PDE1A: variants seen among roughly 807,000 people sequenced by gnomAD.
The protein encoded by PDE1A is dual specificity calcium/calmodulin-dependent 3',5'-cyclic nucleotide phosphodiesterase 1A.
A neutral mutation model predicts 61.7 loss-of-function variants in PDE1A; 35 were observed. That is an observed-to-expected ratio of 0.57 (90% CI 0.43 to 0.75). The LOEUF is 0.75. Among genes scored for constraint, PDE1A ranks in the 30% least tolerant of loss-of-function variants. The pLI is 0.00. For missense variants in PDE1A, 597 were observed against 630.6 expected (o/e 0.95, Z 0.57); for synonymous variants, 232 against 213.2 (o/e 1.09, Z -0.77).
At chr2:182,377,974 GTA>G (rs1700510314) in intron 1 of PDE1A, among the ~76,000 whole-genome samples, 1 of 151,908 alleles carries the variant, frequency 6.6e-6, no homozygotes, top group Non-Finnish European at 1.5e-5. Context: ...AGCCTCCTGA[GTA>G]GCTGGGACTA....
Position 182,440,209 on chromosome 2 carries a change from G to T in PDE1A, c.101+82067C>A, listed in dbSNP as rs184862247. Among the ~76,000 whole-genome samples the T allele has an allele frequency of 1.1e-3, 172 of 152,044 alleles. 1 individual carries two copies. The highest frequency in any genetic ancestry group is 8.1e-4 in the Non-Finnish European group (55 of 67,940). ...TCTCAAACTGAAGCAATCATCTAGG[G>T]TCACTAGTCTACATATTTTCTTCCC... On this transcript the variant is annotated intron_variant, in intron 2 of 14. Transcript: ENST00000410103.
chr2:182,365,427 A>G (rs925114267), intron 1 of PDE1A, among the ~76,000 whole-genome samples: 4 of 151,988 alleles, frequency 2.6e-5, no homozygotes, highest in Non-Finnish European at 4.4e-5. Context: ...AACCCTATAC[A>G]CTTAACTTAG....
At chr2:182,389,947 C>T (rs974870168) in intron 1 of PDE1A, among the ~76,000 whole-genome samples, 3 of 152,138 alleles carry the variant, frequency 2.0e-5, no homozygotes, top group African/African-American at 4.8e-5. Flanking sequence ...TGGACTTACA[C>T]GGGCGGTTTG....
exon 14 of PDE1A, chr2:182,167,913 T>C (rs1691745708): frequency 2.7e-6 from 3 of 1,093,714 alleles, no homozygotes; most frequent in Admixed American, 5.0e-5. Context: ...AGCTTTATTG[T>C]AGAAATGACA....
intron 13 of PDE1A, among the ~76,000 whole-genome samples, chr2:182,147,708 T>A (rs567577907): frequency 6.6e-5 from 10 of 152,260 alleles, no homozygotes; most frequent in African/African-American, 2.4e-4. Context: ...AGAGAATCTA[T>A]GAAAATAGAA....
intron 1 of PDE1A, among the ~76,000 whole-genome samples, chr2:182,366,401 T>C (rs1699839453): frequency 6.6e-6 from 1 of 152,012 alleles, no homozygotes; most frequent in African/African-American, 2.4e-5. Context: ...GGATCAAAAA[T>C]CACATTGATC....
chr2:182,351,555 C>T lies in PDE1A; in HGVS notation c.53+75023G>A, dbSNP rs571092592. On this transcript the variant is annotated intron_variant, in intron 1 of 13. Transcript: ENST00000351439. ...CATTGAATAAGAGATGAAAATATTC[C>T]GACAGGGTGATATCAGAGAATGTCA... Among the ~76,000 whole-genome samples, 18 of 152,200 alleles carry T rather than the reference C, an allele frequency of 1.2e-4. No individual in the cohort carries two copies. The East Asian group carries it at 1.7e-3, about 15-fold the overall frequency.
the PDE1A span, among the ~76,000 whole-genome samples, chr2:182,600,024 C>A: frequency 6.6e-6 from 1 of 152,124 alleles, no homozygotes; most frequent in East Asian, 1.9e-4. Context: ...CTACTCTACT[C>A]CCAGGAGAAA....
intron 1 of PDE1A, among the ~76,000 whole-genome samples, chr2:182,324,870 G>A (rs1405713249): frequency 6.6e-6 from 1 of 152,138 alleles, no homozygotes; most frequent in Non-Finnish European, 1.5e-5. Context: ...AATAAGTTCA[G>A]GAAACATTTA....
intron 1 of PDE1A, among the ~76,000 whole-genome samples, chr2:182,291,422 T>C (rs1295205636): frequency 6.6e-6 from 1 of 152,184 alleles, no homozygotes; most frequent in East Asian, 1.9e-4. Context: ...CCCCTTCTGG[T>C]AACAGTATTG....
chr2:182,707,157 C>G, the PDE1A span, among the ~76,000 whole-genome samples: 10 of 152,130 alleles, frequency 6.6e-5, no homozygotes, highest in Non-Finnish European at 1.3e-4. Flanking sequence ...GCCACTAAGA[C>G]AGTACTTAGA....
intron 3 of PDE1A, among the ~76,000 whole-genome samples, chr2:182,238,706 A>T (rs1292632572): frequency 6.6e-6 from 1 of 152,218 alleles, no homozygotes; most frequent in East Asian, 1.9e-4. Flanking sequence ...TAGCACATTG[A>T]TTTCTTAAAG....
intron 1 of PDE1A, among the ~76,000 whole-genome samples, chr2:182,365,363 T>C (rs994696171): frequency 6.6e-6 from 1 of 152,058 alleles, no homozygotes; most frequent in Non-Finnish European, 1.5e-5. Context: ...CCTGTTTTCA[T>C]GAAATTAAAC....
chr2:182,669,944 C>T, the PDE1A span, among the ~76,000 whole-genome samples: 1 of 152,214 alleles, frequency 6.6e-6, no homozygotes, highest in Non-Finnish European at 1.5e-5. Flanking sequence ...ATGGGCCACA[C>T]ACGGGCCCAT....
chr2:182,427,050 C>T, upstream of PDE1A: 1 of 990,720 alleles, frequency 1.0e-6, no homozygotes, highest in Non-Finnish European at 1.2e-6. Flanking sequence ...AAGTCCCTCC[C>T]TGTCTTTAAA....
At chr2:182,300,915 C>G (rs1002550834) in intron 1 of PDE1A, among the ~76,000 whole-genome samples, 3 of 152,162 alleles carry the variant, frequency 2.0e-5, no homozygotes, top group Non-Finnish European at 2.9e-5. Flanking sequence ...CGTCAAATGA[C>G]TGATTTCTCA....
At chr2:182,603,407 C>T in the PDE1A span, among the ~76,000 whole-genome samples, 1,405 of 152,246 alleles carry the variant, frequency 9.2e-3, 12 homozygotes, top group Middle Eastern at 0.027. Flanking sequence ...AATGCAGTGG[C>T]GCCGTCTCAG....
intron 2 of PDE1A, among the ~76,000 whole-genome samples, chr2:182,436,877 T>G (rs972659093): frequency 4.6e-5 from 7 of 152,030 alleles, no homozygotes; most frequent in South Asian, 2.1e-4. Flanking sequence ...TACTAACATA[T>G]TGCACTGCCT....
At chr2:182,509,186 C>T (rs1350680215) in intron 2 of PDE1A, among the ~76,000 whole-genome samples, 2 of 152,084 alleles carry the variant, frequency 1.3e-5, no homozygotes, top group African/African-American at 2.4e-5. Context: ...ACAGTGATTT[C>T]GCAAAGGTCC....
Sources: gnomAD v4.1 joint callset for allele counts (sites outside exome capture counted in the v4.1 genomes callset) on GRCh38, gnomAD v4.1.1 for gene constraint, MANE v1.5 for transcripts, NCBI Gene and HGNC (gene_info 2026-07-23, HGNC 2026-07-21) for gene names.